The following IL1R1 variants were observed in gnomAD, a reference collection of about 807,000 sequenced individuals.
IL1R1 encodes the protein interleukin-1 receptor type 1.
Under a neutral mutation model 50.2 loss-of-function variants are expected in IL1R1, and 22 were observed. The ratio of observed to expected loss-of-function variants is 0.44; its 90% CI spans 0.31 to 0.63. The LOEUF is 0.63. Ranked by LOEUF, IL1R1 falls within the 20% of genes least tolerant of loss-of-function variation. IL1R1 has a pLI of 0.07. For synonymous variants in IL1R1, 251 were observed against 236.7 expected, an observed-to-expected ratio of 1.06 and a Z score of -0.55; for missense variants, 509 against 676.2, an observed-to-expected ratio of 0.75 and a Z score of 2.74.
chr2:102,146,136 G>C (rs1683099993), intron 1 of IL1R1, among the ~76,000 whole-genome samples: 3 of 152,138 alleles, frequency 2.0e-5, no homozygotes, highest in Admixed American at 1.3e-4. Flanking sequence ...AACAGGAAGA[G>C]TCTAGCCATG....
At chr2:102,083,353 A>G (rs944787339) in intron 1 of IL1R1, among the ~76,000 whole-genome samples, 5 of 152,098 alleles carry the variant, frequency 3.3e-5, no homozygotes, top group South Asian at 2.1e-4. Context: ...CCTTTTGGGT[A>G]GGTACCTTCT....
chr2:102,138,836 T>A (rs1682486230), upstream of IL1R1, among the ~76,000 whole-genome samples: 1 of 152,162 alleles, frequency 6.6e-6, no homozygotes, highest in Non-Finnish European at 1.5e-5. Flanking sequence ...TGTAGCAAAT[T>A]AAGAATCACA....
chr2:102,159,167 G>T (rs532394759), intron 3 of IL1R1, among the ~76,000 whole-genome samples: 2 of 152,330 alleles, frequency 1.3e-5, no homozygotes, highest in African/African-American at 4.8e-5. Flanking sequence ...TGACTAGGCA[G>T]TCTACAGCCT....
intron 1 of IL1R1, among the ~76,000 whole-genome samples, chr2:102,070,831 A>T (rs1678683108): frequency 6.6e-6 from 1 of 151,664 alleles, no homozygotes; most frequent in Admixed American, 6.6e-5. Context: ...CCCTCATGAC[A>T]CTCATGAAGA....
intron 7 of IL1R1, 56 bp downstream of exon 7, chr2:102,168,719 A>G (rs1159972145): frequency 1.6e-6 from 2 of 1,220,402 alleles, no homozygotes; most frequent in Admixed American, 3.7e-5. Flanking sequence ...TTAAAACATA[A>G]GAGTAAGATA....
rs1046152418 is a variant in IL1R1, at chr2:102,071,152, A to G, written c.-84+619A>G. ...CTTCAGAGGTCCAAAGCTGAAATAT[A>G]TTTGTATACTTATATATATAAAGTA... On this transcript the variant is annotated intron_variant, in intron 1 of 11. Coordinates refer to the IL1R1 transcript ENST00000409929. Among the ~76,000 whole-genome samples the G allele has an allele frequency of 1.4e-4, 22 of 152,302 alleles. No individual in the cohort carries two copies. In the East Asian group the frequency reaches 4.2e-3, roughly 29 times the overall value.
chr2:102,174,754 T>C (rs200239751), intron 10 of IL1R1, 24 bp downstream of exon 10: 54 of 1,583,168 alleles, frequency 3.4e-5, no homozygotes, highest in Non-Finnish European at 4.3e-5. Flanking sequence ...TTCCATGCAG[T>C]ATTTCTTGTT....
intron 1 of IL1R1, among the ~76,000 whole-genome samples, chr2:102,091,398 G>A (rs1467927795): frequency 6.6e-6 from 1 of 152,106 alleles, no homozygotes; most frequent in African/African-American, 2.4e-5. Flanking sequence ...AGCTGATTTT[G>A]TAATCTTGAT....
At chr2:102,150,973 A>G (rs997220576) in intron 1 of IL1R1, among the ~76,000 whole-genome samples, 3 of 152,250 alleles carry the variant, frequency 2.0e-5, no homozygotes, top group African/African-American at 7.2e-5. Flanking sequence ...TCAATCTGAA[A>G]AATAACAGTG....
At chr2:102,074,656 C>A (rs923057725) in intron 1 of IL1R1, among the ~76,000 whole-genome samples, 1 of 152,164 alleles carries the variant, frequency 6.6e-6, no homozygotes, top group African/African-American at 2.4e-5. Context: ...AAAGAATTTG[C>A]AGGCCGTTTA....
chr2:102,128,005 T>G (rs1681820098), intron 1 of IL1R1, among the ~76,000 whole-genome samples: 1 of 152,246 alleles, frequency 6.6e-6, no homozygotes. Flanking sequence ...ATTTCAATTC[T>G]CGACAGTTCT....
At chr2:102,152,504 CAAAAAAAAAA>C (rs70946674) in intron 1 of IL1R1, among the ~76,000 whole-genome samples, 8 of 29,684 alleles carry the variant, frequency 2.7e-4, no homozygotes, top group Middle Eastern at 0.028. Flanking sequence ...GACTCCGTCT[CAAAAAAAAAA>C]AAAAAAAAAA....
chr2:102,147,926 A>G (rs1420777895), intron 1 of IL1R1, among the ~76,000 whole-genome samples: 3 of 152,180 alleles, frequency 2.0e-5, no homozygotes, highest in Non-Finnish European at 4.4e-5. Flanking sequence ...TCCCATTTAC[A>G]TGGGTAAATA....
At chr2:102,112,393 G>T (rs1172874423) in intron 1 of IL1R1, among the ~76,000 whole-genome samples, 1 of 151,796 alleles carries the variant, frequency 6.6e-6, no homozygotes, top group East Asian at 1.9e-4. Flanking sequence ...GGAATTGCTG[G>T]CCCTGAGGTG....
At chr2:102,174,534 T>A (rs916579640) in intron 9 of IL1R1, 53 bp from the exon 10 acceptor site, 15 of 1,400,034 alleles carry the variant, frequency 1.1e-5, no homozygotes, top group Non-Finnish European at 1.4e-5. Flanking sequence ...CTCAAAGTTT[T>A]AATTCTTTTT....
At chr2:102,156,359 A>G (rs571596101) in intron 2 of IL1R1, 1 of 152,786 alleles carries the variant, frequency 6.5e-6, no homozygotes, top group South Asian at 2.1e-4. Flanking sequence ...GCTCTGAGGT[A>G]GGTTTCAAGG....
chr2:102,077,381 A>G (rs1415592897), intron 1 of IL1R1, among the ~76,000 whole-genome samples: 52 of 152,166 alleles, frequency 3.4e-4, no homozygotes, highest in Non-Finnish European at 5.9e-5. Flanking sequence ...GAAGTTTACT[A>G]ATCTTTTCTT....
At chr2:102,167,479 G>C (rs1685289819) in intron 6 of IL1R1, among the ~76,000 whole-genome samples, 1 of 119,362 alleles carries the variant, frequency 8.4e-6, no homozygotes, top group Non-Finnish European at 1.6e-5. Context: ...ATGGAGTCTC[G>C]CTCTGTCACC....
At chr2:102,084,260 C>T (rs1296452197) in intron 1 of IL1R1, among the ~76,000 whole-genome samples, 1 of 152,152 alleles carries the variant, frequency 6.6e-6, no homozygotes, top group East Asian at 1.9e-4. Context: ...CCTTGGTTCC[C>T]AGGAATGCTG....
Sources: allele counts gnomAD v4.1 joint callset (sites outside exome capture counted in the v4.1 genomes callset), GRCh38; gene constraint gnomAD v4.1.1; transcripts MANE v1.5; gene names NCBI Gene and HGNC (gene_info 2026-07-23, HGNC 2026-07-21).